The following RASEF variants were observed in gnomAD, a reference collection of about 807,000 sequenced individuals.
The protein encoded by RASEF is RAS and EF-hand domain containing.
RASEF carries 68 observed loss-of-function variants against 90.1 expected under a neutral mutation model. That is an observed-to-expected ratio of 0.75 (90% CI 0.62 to 0.92). The LOEUF (loss-of-function observed/expected upper bound fraction) is 0.92, where lower values mean the gene tolerates loss of function less well. Ranked by LOEUF, RASEF falls within the 40% of genes least tolerant of loss-of-function variation. The probability of loss-of-function intolerance (pLI) is 0.00; values close to 1 mark genes in which losing one functional copy is unlikely to be tolerated. For synonymous variants in RASEF, 331 were observed against 345.2 expected, an observed-to-expected ratio of 0.96 and a Z score of 0.46; for missense variants, 949 against 937.2, an observed-to-expected ratio of 1.01 and a Z score of -0.16.
chr9:83,063,139 G>C lies in RASEF; in HGVS notation c.-272C>G. ...GGCACCGCCAAGGAGCGCCTCCTGC[G>C]ACTGAGCGCCCAAGCGCCGAGGTGG... On this transcript the variant is annotated 5_prime_UTR_variant, in exon 1 of 17. Transcript: ENST00000376447. 2.3e-6 allele frequency: 1 copy of C among 431,766 alleles called. No individual in the cohort carries two copies. Among genetic ancestry groups the C allele is most frequent in the Non-Finnish European group, 4.1e-6 (1 of 246,178 alleles). The allele number at this position is 431,766 out of a possible 1,614,324, so 26.7% of individuals were successfully genotyped here.
the RASEF span, among the ~76,000 whole-genome samples, chr9:83,217,363 A>C: frequency 6.6e-6 from 1 of 152,172 alleles, no homozygotes; most frequent in Non-Finnish European, 1.5e-5. Context: ...GATTGGTTTC[A>C]GAATGTGAGG....
At chr9:83,115,718 C>A in the RASEF span, among the ~76,000 whole-genome samples, 1 of 152,110 alleles carries the variant, frequency 6.6e-6, no homozygotes, top group South Asian at 2.1e-4. Context: ...AGATGCAAAT[C>A]TCTGTGCAAA....
At chr9:83,189,434 C>G in the RASEF span, among the ~76,000 whole-genome samples, 1 of 152,146 alleles carries the variant, frequency 6.6e-6, no homozygotes, top group Non-Finnish European at 1.5e-5. Context: ...GACTAATACA[C>G]CAGCTTTCTT....
At chr9:83,008,294 G>C (rs1299668377) in intron 6 of RASEF, among the ~76,000 whole-genome samples, 3 of 152,152 alleles carry the variant, frequency 2.0e-5, no homozygotes, top group Non-Finnish European at 4.4e-5. Flanking sequence ...AGGAATTTAA[G>C]TTCCTTAAAC....
chr9:83,209,341 A>T, the RASEF span, among the ~76,000 whole-genome samples: 13 of 152,370 alleles, frequency 8.5e-5, no homozygotes, highest in Admixed American at 5.2e-4. Context: ...GCTTTAGGCC[A>T]TGGGATTGAG....
chr9:83,017,357 G>A (rs867980657), intron 3 of RASEF, among the ~76,000 whole-genome samples: 6 of 151,516 alleles, frequency 4.0e-5, no homozygotes, highest in Non-Finnish European at 4.4e-5. Flanking sequence ...GAAATTAGCC[G>A]GGTGTGGTGG....
chr9:83,202,587 T>C, the RASEF span, among the ~76,000 whole-genome samples: 3 of 152,314 alleles, frequency 2.0e-5, no homozygotes, highest in African/African-American at 7.2e-5. Flanking sequence ...GCAATTCTCC[T>C]GCCTCAGCCT....
the RASEF span, among the ~76,000 whole-genome samples, chr9:83,117,366 C>T: frequency 2.6e-5 from 4 of 152,166 alleles, no homozygotes; most frequent in Non-Finnish European, 4.4e-5. Flanking sequence ...GCCAAAATGA[C>T]TCCTTTTGGA....
chr9:83,030,703 T>C (rs1452548055), intron 1 of RASEF, among the ~76,000 whole-genome samples: 1 of 152,210 alleles, frequency 6.6e-6, no homozygotes, highest in Non-Finnish European at 1.5e-5. Context: ...GGAGATCTGA[T>C]TCCCCAGAAC....
At chr9:83,061,139 T>C (rs185475192) in intron 1 of RASEF, among the ~76,000 whole-genome samples, 271 of 152,328 alleles carry the variant, frequency 1.8e-3, no homozygotes, top group Middle Eastern at 3.4e-3. Flanking sequence ...ATAAAGAGTA[T>C]AGGTTGTAGC....
At chr9:83,193,864 A>G in the RASEF span, among the ~76,000 whole-genome samples, 1 of 152,184 alleles carries the variant, frequency 6.6e-6, no homozygotes, top group Non-Finnish European at 1.5e-5. Flanking sequence ...AGATCTATTC[A>G]GCCACATTCA....
intron 5 of RASEF, among the ~76,000 whole-genome samples, chr9:83,010,963 A>G (rs1241044228): frequency 6.6e-6 from 1 of 152,208 alleles, no homozygotes; most frequent in Non-Finnish European, 1.5e-5. Flanking sequence ...AATGGTACCT[A>G]GAAATAATTA....
chr9:83,156,954 A>T, the RASEF span, among the ~76,000 whole-genome samples: 1 of 152,190 alleles, frequency 6.6e-6, no homozygotes, highest in Non-Finnish European at 1.5e-5. Flanking sequence ...TTTCCCCAAC[A>T]CTTTCCAGAT....
chr9:83,025,634 A>G, intron 2 of RASEF, 141 bp downstream of exon 2: 1 of 699,072 alleles, frequency 1.4e-6, no homozygotes. Flanking sequence ...TGCTGGCTTA[A>G]TTTTGAAAGC....
chr9:83,150,152 G>C, the RASEF span, among the ~76,000 whole-genome samples: 2 of 152,162 alleles, frequency 1.3e-5, no homozygotes, highest in African/African-American at 4.8e-5. Flanking sequence ...GACATAGCTC[G>C]GGAGCAGCCA....
At chr9:83,055,203 T>C in intron 1 of RASEF, 1 of 195,884 alleles carries the variant, frequency 5.1e-6, no homozygotes, top group Non-Finnish European at 1.0e-5. Flanking sequence ...CGAGATTCCG[T>C]GGGCGTAGGA....
At chr9:83,176,308 C>T in the RASEF span, among the ~76,000 whole-genome samples, 1 of 152,168 alleles carries the variant, frequency 6.6e-6, no homozygotes, top group African/African-American at 2.4e-5. Context: ...AGTCTAGCCA[C>T]TCTAGCTTTC....
the RASEF span, among the ~76,000 whole-genome samples, chr9:83,166,521 G>T: frequency 6.6e-6 from 1 of 152,156 alleles, no homozygotes; most frequent in African/African-American, 2.4e-5. Context: ...CCAGGGACTA[G>T]CTGAGGACTC....
chr9:83,144,059 G>A, the RASEF span, among the ~76,000 whole-genome samples: 1 of 151,802 alleles, frequency 6.6e-6, no homozygotes, highest in Admixed American at 6.6e-5. Context: ...GAACAGAAAA[G>A]CAAATACCAC....
Sources: gnomAD v4.1 joint callset for allele counts (sites outside exome capture counted in the v4.1 genomes callset) on GRCh38, gnomAD v4.1.1 for gene constraint, MANE v1.5 for transcripts, NCBI Gene and HGNC (gene_info 2026-07-23, HGNC 2026-07-21) for gene names.